Variants in TAFA1 observed in about 807,000 individuals in gnomAD.
TAFA1 encodes the protein chemokine-like protein TAFA-1.
In TAFA1, 4 loss-of-function variants were observed where a neutral mutation model predicts 18.5. The ratio of observed to expected loss-of-function variants is 0.22; its 90% CI spans 0.11 to 0.49. TAFA1 has a LOEUF of 0.49. TAFA1 is among the 20% of genes least tolerant of loss of function. TAFA1 has a pLI of 0.98. For synonymous variants in TAFA1, 56 were observed against 55.2 expected (o/e 1.01, Z -0.06); for missense variants, 147 against 169.0 (o/e 0.87, Z 0.72).
upstream of TAFA1, among the ~76,000 whole-genome samples, chr3:68,000,085 G>A (rs1417545621): frequency 6.6e-6 from 1 of 152,088 alleles, no homozygotes; most frequent in African/African-American, 2.4e-5. Flanking sequence ...CACCGTGCCT[G>A]GTCAAAGCTA....
At chr3:68,173,285 T>C (rs13078759) in intron 2 of TAFA1, among the ~76,000 whole-genome samples, 147,214 of 152,260 alleles carry the variant, frequency 0.97, 71,201 homozygotes, top group African/African-American at 0.99. Context: ...GTAAAAACTG[T>C]CACAGAAACA....
At chr3:68,515,144 C>T (rs1434960568) in intron 3 of TAFA1, among the ~76,000 whole-genome samples, 1 of 152,056 alleles carries the variant, frequency 6.6e-6, no homozygotes, top group African/African-American at 2.4e-5. Context: ...ATGTGCACTT[C>T]CCAGTATGGT....
rs185486803 is a variant in TAFA1, at chr3:68,355,181, T to G, written c.119-62099T>G. On this transcript the variant is annotated intron_variant, in intron 2 of 4. Coordinates refer to ENST00000478136, the MANE Select transcript of TAFA1 (RefSeq NM_213609.4). ...AGATGGGGTCTATCATGCTCTCTTC[T>G]TCAACCCTCTCTTACTGAGGGTAAG... 3.5e-3 allele frequency among the ~76,000 whole-genome samples: 538 copies of G among 152,076 alleles called. 2 individuals carry two copies. The highest frequency in any genetic ancestry group is 5.8e-3 in the Non-Finnish European group (396 of 67,918).
At chr3:68,089,117 A>G (rs933869486) in intron 2 of TAFA1, among the ~76,000 whole-genome samples, 2 of 152,114 alleles carry the variant, frequency 1.3e-5, no homozygotes, top group African/African-American at 4.8e-5. Context: ...CCTATTAGAC[A>G]TACAACTGGA....
intron 2 of TAFA1, among the ~76,000 whole-genome samples, chr3:68,239,838 G>A (rs2066974366): frequency 1.3e-5 from 2 of 152,278 alleles, no homozygotes; most frequent in East Asian, 3.9e-4. Flanking sequence ...CAACCTTGTT[G>A]ACACATTTAT....
chr3:68,082,136 C>T (rs555745557), intron 2 of TAFA1, among the ~76,000 whole-genome samples: 124 of 152,360 alleles, frequency 8.1e-4, no homozygotes, highest in Middle Eastern at 3.4e-3. Context: ...ACCCCTTGCG[C>T]TTCCCAAGTG....
At chr3:68,532,866 A>G (rs1281102679) in intron 3 of TAFA1, among the ~76,000 whole-genome samples, 1 of 145,162 alleles carries the variant, frequency 6.9e-6, no homozygotes, top group East Asian at 2.1e-4. Context: ...TAGAGAATGT[A>G]GCTTTGTAAA....
At chr3:68,494,853 A>G (rs2072517497) in intron 3 of TAFA1, among the ~76,000 whole-genome samples, 1 of 152,248 alleles carries the variant, frequency 6.6e-6, no homozygotes, top group Non-Finnish European at 1.5e-5. Context: ...AGTGCCTGGC[A>G]CAAATAATGT....
chr3:68,247,328 C>T (rs1054978897), intron 2 of TAFA1: 2 of 152,144 alleles, frequency 1.3e-5, no homozygotes, highest in African/African-American at 4.8e-5. Flanking sequence ...AAAAAAAAAG[C>T]ATATGCAAGA....
intron 2 of TAFA1, among the ~76,000 whole-genome samples, chr3:68,122,292 A>G (rs1278474525): frequency 6.6e-6 from 1 of 152,112 alleles, no homozygotes; most frequent in Non-Finnish European, 1.5e-5. Flanking sequence ...TCATGTTCCC[A>G]TTGGCAATGA....
chr3:68,262,927 GT>G (rs976110108), intron 2 of TAFA1, among the ~76,000 whole-genome samples: 1 of 152,138 alleles, frequency 6.6e-6, no homozygotes, highest in African/African-American at 2.4e-5. Context: ...ATCTTATAAA[GT>G]TTTAATAATT....
Position 68,053,598 on chromosome 3 carries a change from CA to C in TAFA1, c.118+46855del, listed in dbSNP as rs567988185. Among the ~76,000 whole-genome samples, 172 of 152,216 alleles carry C rather than the reference CA, an allele frequency of 1.1e-3. 1 individual carries two copies. The highest frequency in any genetic ancestry group is 3.9e-3 in the African/African-American group (160 of 41,550). ...TTCATTTTGATAACATTGCATTTCA[CA>C]GTAATTTGTGGGATGTAGAGACACT... On this transcript the variant is annotated intron_variant, in intron 2 of 4. Coordinates refer to ENST00000478136, the MANE Select transcript of TAFA1 (RefSeq NM_213609.4).
At chr3:68,271,538 G>T (rs1422660171) in intron 2 of TAFA1, among the ~76,000 whole-genome samples, 1 of 152,108 alleles carries the variant, frequency 6.6e-6, no homozygotes, top group Admixed American at 6.6e-5. Context: ...CGATTTCTAA[G>T]AACCCAAAGG....
intron 2 of TAFA1, among the ~76,000 whole-genome samples, chr3:68,080,937 C>A (rs898861426): frequency 6.6e-6 from 1 of 152,154 alleles, no homozygotes; most frequent in African/African-American, 2.4e-5. Flanking sequence ...CTCCCCATCA[C>A]TTTCAGGTAC....
intron 2 of TAFA1, among the ~76,000 whole-genome samples, chr3:68,154,684 G>A (rs935653781): frequency 2.6e-5 from 4 of 152,124 alleles, no homozygotes; most frequent in African/African-American, 9.7e-5. Flanking sequence ...GCTTTGCCAG[G>A]GAATACATGT....
At chr3:68,054,556 C>T (rs1411697895) in intron 2 of TAFA1, among the ~76,000 whole-genome samples, 1 of 152,194 alleles carries the variant, frequency 6.6e-6, no homozygotes, top group African/African-American at 2.4e-5. Context: ...AGACATGTGG[C>T]CTGTGGACCA....
intron 2 of TAFA1, among the ~76,000 whole-genome samples, chr3:68,233,825 G>T (rs1370663488): frequency 2.0e-5 from 3 of 151,922 alleles, no homozygotes; most frequent in Non-Finnish European, 4.4e-5. Context: ...ATGAAGCAAA[G>T]GTTATAGGGC....
chr3:68,435,936 C>G (rs2071260454), intron 3 of TAFA1, among the ~76,000 whole-genome samples: 1 of 152,156 alleles, frequency 6.6e-6, no homozygotes, highest in Admixed American at 6.6e-5. Context: ...TTTAAAATAT[C>G]AGTGGCTTGG....
At chr3:68,443,473 C>CAAAAAAAAAAAAAAAAAAAAAAAAAAAAA (rs56944130) in intron 3 of TAFA1, among the ~76,000 whole-genome samples, 1 of 96,102 alleles carries the variant, frequency 1.0e-5, no homozygotes. Flanking sequence ...GGGCAATTTA[C>CAAAAAAAAAAAAAAAAAAAAAAAAAAAAA]AAAAAAAAAA....
Sources: allele counts gnomAD v4.1 joint callset (sites outside exome capture counted in the v4.1 genomes callset), GRCh38; gene constraint gnomAD v4.1.1; transcripts MANE v1.5; gene names NCBI Gene and HGNC (gene_info 2026-07-23, HGNC 2026-07-21).